The following TMCC1 variants were observed in gnomAD, a reference collection of about 807,000 sequenced individuals.
TMCC1 encodes the protein transmembrane and coiled-coil domain family 1, also known as transmembrane and coiled-coil domains protein 1.
A neutral mutation model predicts 52.4 loss-of-function variants in TMCC1; 15 were observed. The ratio of observed to expected loss-of-function variants is 0.29; its 90% CI spans 0.19 to 0.44. The LOEUF is 0.44. Among genes scored for constraint, TMCC1 ranks in the 20% least tolerant of loss-of-function variants. The probability of loss-of-function intolerance (pLI) is 1.00; values close to 1 mark genes in which losing one functional copy is unlikely to be tolerated. For missense variants in TMCC1, 503 were observed against 806.0 expected (o/e 0.62, Z 4.55); for synonymous variants, 279 against 301.9 (o/e 0.92, Z 0.79).
intron 4 of TMCC1, among the ~76,000 whole-genome samples, chr3:129,686,711 T>A (rs2089433865): frequency 6.6e-6 from 1 of 152,050 alleles, no homozygotes; most frequent in South Asian, 2.1e-4. Context: ...CAGAATATTA[T>A]GAGAAAAGGA....
intron 4 of TMCC1, among the ~76,000 whole-genome samples, chr3:129,796,817 G>C (rs1412316102): frequency 1.3e-5 from 2 of 152,174 alleles, no homozygotes; most frequent in African/African-American, 4.8e-5. Flanking sequence ...GCAACAGAGT[G>C]AGACCTTATC....
chr3:129,672,118 A>G (rs1368730797), intron 4 of TMCC1, among the ~76,000 whole-genome samples: 12 of 152,224 alleles, frequency 7.9e-5, no homozygotes, highest in Non-Finnish European at 2.9e-5. Flanking sequence ...AGAACCATTC[A>G]AAGGAGTTGA....
chr3:129,696,714 A>T (rs923364905), intron 4 of TMCC1, among the ~76,000 whole-genome samples: 3 of 152,208 alleles, frequency 2.0e-5, no homozygotes. Context: ...CCTAGATACA[A>T]TGGGGGTACA....
rs1002362932 is a variant in TMCC1 at position 129,829,823 on chromosome 3, T to C, written c.-130-1315A>G. On this transcript the variant is annotated intron_variant, in intron 3 of 6. Transcript: ENST00000393238. The stretch of plus-strand genomic sequence containing the variant: ...CTGTGAACTCAAGGCTACTAGAGTT[T>C]AGTGGAACAGGAATGCAAACTCACT... 5.3e-5 allele frequency among the ~76,000 whole-genome samples: 8 copies of C among 152,330 alleles called. No individual in the cohort carries two copies. In the East Asian group the frequency reaches 1.2e-3, roughly 22 times the overall value.
chr3:129,682,604 T>C (rs1002045929), intron 4 of TMCC1, among the ~76,000 whole-genome samples: 2 of 152,178 alleles, frequency 1.3e-5, no homozygotes, highest in African/African-American at 4.8e-5. Context: ...CTCTGCTACA[T>C]AGATGACTCT....
chr3:129,884,179 C>T (rs948532974), intron 1 of TMCC1, among the ~76,000 whole-genome samples: 7 of 152,028 alleles, frequency 4.6e-5, no homozygotes, highest in Non-Finnish European at 8.8e-5. Flanking sequence ...GAAAATCATA[C>T]CACACAGAAA....
At chr3:129,767,486 C>T (rs976689707) in intron 4 of TMCC1, among the ~76,000 whole-genome samples, 4 of 151,980 alleles carry the variant, frequency 2.6e-5, no homozygotes, top group African/African-American at 9.7e-5. Flanking sequence ...AAAGCTCTTG[C>T]CTCACCCTCT....
chr3:129,709,319 A>T (rs1029772249), intron 4 of TMCC1, among the ~76,000 whole-genome samples: 1 of 151,652 alleles, frequency 6.6e-6, no homozygotes, highest in Non-Finnish European at 1.5e-5. Context: ...AAGAAAAAAA[A>T]TAGCTGGGCA....
At chr3:129,842,643 C>T (rs2059473163) in intron 2 of TMCC1, among the ~76,000 whole-genome samples, 1 of 152,020 alleles carries the variant, frequency 6.6e-6, no homozygotes, top group Non-Finnish European at 1.5e-5. Flanking sequence ...CAAAGATATA[C>T]CATATTCTGT....
chr3:129,729,820 A>T (rs1169525379), intron 4 of TMCC1, among the ~76,000 whole-genome samples: 1 of 152,074 alleles, frequency 6.6e-6, no homozygotes, highest in African/African-American at 2.4e-5. Flanking sequence ...TTTCATAAAA[A>T]GGAATGAGGC....
At chr3:129,865,023 T>G (rs2717246) in intron 2 of TMCC1, among the ~76,000 whole-genome samples, 149,912 of 152,244 alleles carry the variant, frequency 0.98, 73,856 homozygotes, top group East Asian at 1. Flanking sequence ...GGAGACTTTG[T>G]TCTAGGTAGG....
chr3:129,886,547 C>T (rs2061710910), intron 1 of TMCC1, among the ~76,000 whole-genome samples: 1 of 152,104 alleles, frequency 6.6e-6, no homozygotes, highest in Non-Finnish European at 1.5e-5. Context: ...GTGGTGTATC[C>T]ATACAATGGA....
At chr3:129,725,656 C>T (rs1194207454) in intron 4 of TMCC1, among the ~76,000 whole-genome samples, 2 of 151,732 alleles carry the variant, frequency 1.3e-5, no homozygotes, top group Non-Finnish European at 2.9e-5. Context: ...ATAAGAACCT[C>T]TGAAAGAGTA....
At chr3:129,821,361 A>T (rs142114290) in intron 4 of TMCC1, among the ~76,000 whole-genome samples, 167 of 152,330 alleles carry the variant, frequency 1.1e-3, no homozygotes, top group African/African-American at 3.7e-3. Flanking sequence ...CTGCCCCAAA[A>T]TACTCACATG....
intron 4 of TMCC1, among the ~76,000 whole-genome samples, chr3:129,734,303 A>C (rs903542349): frequency 2.0e-5 from 3 of 152,254 alleles, no homozygotes; most frequent in Non-Finnish European, 2.9e-5. Context: ...AAAAGAGTAA[A>C]GAAATTTTGC....
chr3:129,755,874 G>A (rs1314752958), intron 4 of TMCC1, among the ~76,000 whole-genome samples: 1 of 152,198 alleles, frequency 6.6e-6, no homozygotes, highest in Non-Finnish European at 1.5e-5. Flanking sequence ...AGGCTGAGGT[G>A]AGTGGATCCC....
At chr3:129,784,510 G>A (rs926559744) in intron 4 of TMCC1, among the ~76,000 whole-genome samples, 1 of 151,424 alleles carries the variant, frequency 6.6e-6, no homozygotes, top group Non-Finnish European at 1.5e-5. Flanking sequence ...AGCTTGCAGT[G>A]AGCCAAGATC....
At chr3:129,655,578 G>C (rs1197230079) in intron 5 of TMCC1, among the ~76,000 whole-genome samples, 2 of 152,174 alleles carry the variant, frequency 1.3e-5, no homozygotes, top group Admixed American at 1.3e-4. Context: ...TAGAATGCCA[G>C]AGCCAGAGGG....
intron 4 of TMCC1, among the ~76,000 whole-genome samples, chr3:129,726,983 C>A (rs2050159220): frequency 6.6e-6 from 1 of 150,684 alleles, no homozygotes; most frequent in Non-Finnish European, 1.5e-5. Flanking sequence ...AGTTGTGGCC[C>A]TATCAGATCT....
Sources: allele counts gnomAD v4.1 joint callset (sites outside exome capture counted in the v4.1 genomes callset), GRCh38; gene constraint gnomAD v4.1.1; transcripts MANE v1.5; gene names NCBI Gene and HGNC (gene_info 2026-07-23, HGNC 2026-07-21).